Variants in KIAA1328 observed in about 807,000 individuals in gnomAD.
The protein encoded by KIAA1328 is KIAA1328.
Under a neutral mutation model 68.1 loss-of-function variants are expected in KIAA1328, and 52 were observed. The observed-to-expected ratio is 0.76, with a 90% confidence interval of 0.61 to 0.96. KIAA1328 has a LOEUF of 0.96. KIAA1328 is among the 40% of genes least tolerant of loss of function. The probability of loss-of-function intolerance (pLI) is 0.00; values close to 1 mark genes in which losing one functional copy is unlikely to be tolerated. For synonymous variants in KIAA1328, 232 were observed against 239.4 expected (o/e 0.97, Z 0.28); for missense variants, 641 against 677.6 (o/e 0.95, Z 0.60).
chr18:37,087,206 A>G (rs2057129848), intron 7 of KIAA1328, among the ~76,000 whole-genome samples: 1 of 150,894 alleles, frequency 6.6e-6, no homozygotes, highest in Admixed American at 6.6e-5. Flanking sequence ...CTGCAGGTGC[A>G]TGCCACTATA....
chr18:36,866,979 G>A (rs1387834125), intron 4 of KIAA1328, among the ~76,000 whole-genome samples: 1 of 152,168 alleles, frequency 6.6e-6, no homozygotes, highest in African/African-American at 2.4e-5. Flanking sequence ...ACTGTCATAT[G>A]ACAAGCATAT....
At position 36,960,420 on chromosome 18, in the gene KIAA1328, A is replaced by C. The variant is rs184411756; in HGVS notation, c.576+985A>C. Among the ~76,000 whole-genome samples, 12 of 152,348 alleles carry C rather than the reference A, an allele frequency of 7.9e-5. 1 individual carries two copies. In the East Asian group the frequency reaches 2.3e-3, roughly 29 times the overall value. Reference sequence around the variant, plus strand: ...GGCAGCAGAAACTTCTGCAGGCTTAAACATCCCTGTCTGACAGCTCTGAAG... The same window carrying C: ...GGCAGCAGAAACTTCTGCAGGCTTACACATCCCTGTCTGACAGCTCTGAAG... On this transcript the variant is annotated intron_variant, in intron 6 of 9. Transcript: ENST00000280020.
intron 6 of KIAA1328, among the ~76,000 whole-genome samples, chr18:37,017,979 T>C (rs891492673): frequency 1.3e-5 from 2 of 152,188 alleles, no homozygotes; most frequent in African/African-American, 4.8e-5. Context: ...AATATTGATA[T>C]ATGAGGTTTT....
chr18:37,199,533 T>G (rs1050911871), intron 9 of KIAA1328, among the ~76,000 whole-genome samples: 4 of 152,220 alleles, frequency 2.6e-5, no homozygotes, highest in African/African-American at 9.6e-5. Flanking sequence ...TCTTTGCTAT[T>G]GTGAATAGTG....
chr18:36,974,887 T>C (rs1183299503), intron 6 of KIAA1328, among the ~76,000 whole-genome samples: 1 of 152,256 alleles, frequency 6.6e-6, no homozygotes, highest in Non-Finnish European at 1.5e-5. Flanking sequence ...ATAAGAAGTA[T>C]AATCTAGTAC....
intron 6 of KIAA1328, among the ~76,000 whole-genome samples, chr18:36,966,845 G>A (rs754136884): frequency 6.6e-6 from 1 of 152,176 alleles, no homozygotes; most frequent in Non-Finnish European, 1.5e-5. Flanking sequence ...TTGATCTGTA[G>A]ATTTGTTGCA....
intron 7 of KIAA1328, among the ~76,000 whole-genome samples, chr18:37,090,549 A>G (rs1320669540): frequency 1.3e-5 from 2 of 152,164 alleles, no homozygotes; most frequent in African/African-American, 2.4e-5. Context: ...CATTAAATTC[A>G]TTGTCTTTAC....
chr18:37,223,452 G>C lies in KIAA1328; in HGVS notation c.*1225G>C, dbSNP rs949345705. ...AGTAGCCTCTCAAGCTAATGGGGAT[G>C]ATGATCCTGGTTTAGCCAGAGTTCA... On this transcript the variant is annotated 3_prime_UTR_variant, in exon 10 of 10. Transcript: ENST00000280020. 2.0e-6 allele frequency: 2 copies of C among 985,424 alleles called. No homozygotes were observed. The highest frequency in any genetic ancestry group is 3.5e-5 in the African/African-American group (2 of 57,378). 61.0% of individuals were successfully genotyped at this position (985,424 alleles called of 1,614,324 possible). A position where few individuals can be genotyped will look rare whatever the true frequency, so the allele number is the denominator to read the frequency against.
At chr18:37,200,348 T>C (rs1174557183) in intron 9 of KIAA1328, among the ~76,000 whole-genome samples, 2 of 152,228 alleles carry the variant, frequency 1.3e-5, no homozygotes, top group East Asian at 3.9e-4. Context: ...TGACTATACA[T>C]TGTTGAACTG....
intron 6 of KIAA1328, chr18:37,063,725 A>C (rs1390280913): frequency 1.0e-6 from 1 of 953,300 alleles, no homozygotes; most frequent in Non-Finnish European, 1.2e-6. Flanking sequence ...TAACTGAAAA[A>C]AATTTTTTAA....
chr18:36,930,395 T>C (rs991125506), intron 5 of KIAA1328, among the ~76,000 whole-genome samples: 4 of 152,154 alleles, frequency 2.6e-5, no homozygotes, highest in African/African-American at 9.7e-5. Context: ...GCAGATTATC[T>C]GGCTCTCATT....
intron 7 of KIAA1328, among the ~76,000 whole-genome samples, chr18:37,094,198 C>A (rs112997963): frequency 6.6e-6 from 1 of 152,260 alleles, no homozygotes; most frequent in Non-Finnish European, 1.5e-5. Context: ...TCACAGGAGG[C>A]AGAGCTCAGG....
chr18:37,080,855 A>G (rs1441655014), intron 7 of KIAA1328, among the ~76,000 whole-genome samples: 1 of 151,716 alleles, frequency 6.6e-6, no homozygotes, highest in Non-Finnish European at 1.5e-5. Flanking sequence ...TAGTTCTGCC[A>G]TTTCATGTAT....
intron 6 of KIAA1328, among the ~76,000 whole-genome samples, chr18:37,027,917 CAG>C (rs1410323511): frequency 1.3e-5 from 2 of 152,140 alleles, no homozygotes; most frequent in African/African-American, 4.8e-5. Context: ...AAACTACCAT[CAG>C]AGTGAACAGG....
At chr18:37,077,652 A>T (rs1353569732) in intron 7 of KIAA1328, among the ~76,000 whole-genome samples, 4 of 150,210 alleles carry the variant, frequency 2.7e-5, no homozygotes, top group Non-Finnish European at 5.9e-5. Flanking sequence ...TACAAAATCA[A>T]TGTGCAAAAA....
rs560403477 is a variant in KIAA1328 at position 36,861,866 on chromosome 18, C to T, written c.332+17564C>T. Among the ~76,000 whole-genome samples the T allele has an allele frequency of 3.3e-5, 5 of 152,004 alleles. No individual in the cohort carries two copies. In the East Asian group the frequency reaches 9.7e-4, roughly 29 times the overall value. On this transcript the variant is annotated intron_variant, in intron 4 of 9. Coordinates refer to ENST00000280020, the MANE Select transcript of KIAA1328 (RefSeq NM_020776.3). ...TTTTCTTTTATAGATATAAAAAAAT[C>T]ATCATGTTGCCCAGGCTGGTCTTGA...
intron 7 of KIAA1328, among the ~76,000 whole-genome samples, chr18:37,091,584 T>G (rs1568391811): frequency 6.6e-6 from 1 of 152,134 alleles, no homozygotes; most frequent in Admixed American, 6.5e-5. Flanking sequence ...CTGGGTCCCA[T>G]GTACCCACTG....
chr18:36,999,330 A>G (rs67153576), intron 6 of KIAA1328, among the ~76,000 whole-genome samples: 22,822 of 152,198 alleles, frequency 0.15, 1,825 homozygotes, highest in African/African-American at 0.18. Flanking sequence ...GCAAAGCAGA[A>G]AAGGATTAGA....
chr18:37,207,785 G>C (rs1008813308), intron 9 of KIAA1328, among the ~76,000 whole-genome samples: 2 of 152,172 alleles, frequency 1.3e-5, no homozygotes, highest in Admixed American at 6.5e-5. Context: ...TGGTGCAAGA[G>C]AACTCATCAT....
Sources: gnomAD v4.1 joint callset for allele counts (sites outside exome capture counted in the v4.1 genomes callset) on GRCh38, gnomAD v4.1.1 for gene constraint, MANE v1.5 for transcripts, NCBI Gene and HGNC (gene_info 2026-07-23, HGNC 2026-07-21) for gene names.